RABEP2: variants seen among roughly 807,000 people sequenced by gnomAD.
RABEP2 encodes the protein rab GTPase-binding effector protein 2.
A neutral mutation model predicts 74.1 loss-of-function variants in RABEP2; 57 were observed. The observed-to-expected ratio is 0.77, with a 90% CI of 0.62 to 0.96. The LOEUF (loss-of-function observed/expected upper bound fraction) is 0.96. RABEP2 is among the 40% of genes least tolerant of loss of function. The probability of loss-of-function intolerance (pLI) is 0.00; values close to 1 mark genes in which losing one functional copy is unlikely to be tolerated. For missense variants in RABEP2, 692 were observed against 756.3 expected (o/e 0.91, Z 1.00); for synonymous variants, 351 against 344.0 (o/e 1.02, Z -0.23).
At position 28,919,918 on chromosome 16, in the gene RABEP2, C is replaced by G. The variant is rs1964446788; in HGVS notation, c.300G>C (p.Gln100His). 6.8e-7 allele frequency: 1 copy of G among 1,464,484 alleles called. No homozygotes were observed. The highest frequency in any genetic ancestry group is 1.4e-5 in the African/African-American group (1 of 69,782). 90.7% of individuals were successfully genotyped at this position (1,464,484 alleles called of 1,614,324 possible). A position where few individuals can be genotyped will look rare whatever the true frequency, so the allele number is the denominator to read the frequency against. Residue 100 changes from glutamine (Q) to histidine (H), a missense_variant, in exon 3 of 13, where the codon CAG (glutamine) becomes CAC (histidine). Transcript: ENST00000358201. ...GTCGCTCCTGCTTCAGGGCGGTGAT[C>G]TGGGCTTCATAGCTGCTGATGGAGT... ...LKDSISSYEA[Q>H]ITALKQERQQ...
In RABEP2 at chr16:28,924,957, G is replaced by A. The variant is rs528095608; in HGVS notation, c.61+146C>T. On this transcript the variant is annotated intron_variant, in intron 1 of 12. Coordinates refer to ENST00000358201, the MANE Select transcript of RABEP2 (RefSeq NM_024816.3). ...GGCCGGGCCACGCCCCCTTTTGCCT[G>A]TGGCTGTAGGCCCCGCCCCCTTTCC... 6.3e-3 allele frequency: 6,420 copies of A among 1,017,790 alleles called. 37 individuals carry two copies. Among genetic ancestry groups the A allele is most frequent in the Non-Finnish European group, 7.5e-3 (5,063 of 675,454 alleles). 63.0% of individuals were successfully genotyped at this position (1,017,790 alleles called of 1,614,324 possible).
Position 28,904,459 on chromosome 16 carries a change from A to G in RABEP2, c.*484T>C. ...TTATTTATTGAAAATAAACGACGGA[A>G]AAGTCTGGCCTTGCCTCTGTGCAAG... On this transcript the variant is annotated 3_prime_UTR_variant, in exon 13 of 13. Coordinates refer to ENST00000358201, the MANE Select transcript of RABEP2 (RefSeq NM_024816.3). 6.6e-7 allele frequency: 1 copy of G among 1,518,998 alleles called. No homozygotes were observed. Among genetic ancestry groups the G allele is most frequent in the Middle Eastern group, 1.7e-4 (1 of 5,854 alleles). The allele number at this position is 1,518,998 out of a possible 1,614,324, so 94.1% of individuals were successfully genotyped here. A position where few individuals can be genotyped will look rare whatever the true frequency, so the allele number is the denominator to read the frequency against.
Position 28,905,154 on chromosome 16 carries a change from C to T in RABEP2, c.1609-110G>A. On this transcript the variant is annotated intron_variant, in intron 12 of 12. Transcript: ENST00000358201. ...TGGTACCAGTGGACCCAGGGGCCAC[C>T]TCTAGGGGGCTGATGCCACAAATGC... is the stretch of plus-strand genomic sequence containing the variant. The T allele has an allele frequency of 4.6e-6, 4 of 866,638 alleles. 1 individual carries two copies. The South Asian group carries it at 6.7e-5, about 15-fold the overall frequency. 53.7% of individuals were successfully genotyped at this position (866,638 alleles called of 1,614,324 possible).
At chr16:28,913,972 G>A (rs569740112) in intron 5 of RABEP2, among the ~76,000 whole-genome samples, 3 of 150,640 alleles carry the variant, frequency 2.0e-5, no homozygotes, top group Non-Finnish European at 4.4e-5. Flanking sequence ...AAAGAGACAG[G>A]GTCTTACTAT....
At chr16:28,905,323 C>G (rs933435631) in intron 12 of RABEP2, 74 bp downstream of exon 12, 28 of 1,090,884 alleles carry the variant, frequency 2.6e-5, no homozygotes, top group African/African-American at 2.4e-4. Flanking sequence ...AACCAGGGAA[C>G]TGTCCTTGCA....
Position 28,914,280 on chromosome 16 carries a change from A to T in RABEP2, c.850T>A (p.Tyr284Asn). The T allele has an allele frequency of 6.2e-7, 1 of 1,611,860 alleles. No homozygotes were observed. Among genetic ancestry groups the T allele is most frequent in the South Asian group, 1.1e-5 (1 of 90,912 alleles). Residue 284 changes from tyrosine to asparagine, a missense_variant, in exon 5 of 13, where the codon TAC becomes AAC. Physicochemically the swap from Tyr to Asn is moderately radical, Grantham distance 143 (BLOSUM62 -2). Coordinates refer to ENST00000358201, the MANE Select transcript of RABEP2 (RefSeq NM_024816.3). ...PEGIYLPPPG[Y>N]QLVPDTQWEQ... is the part of the protein sequence containing the mutation. ...CACTGAGTGTCTGGGACGAGCTGGT[A>T]GCCAGGAGGGGGCAGGTAGATGCCC...
chr16:28,910,714 A>G (rs979842956), intron 7 of RABEP2, 174 bp downstream of exon 7: 2 of 594,336 alleles, frequency 3.4e-6, no homozygotes, highest in Non-Finnish European at 5.9e-6. Context: ...TGTTCTGGCC[A>G]CGGCACCAGC....
At chr16:28,911,847 G>A (rs1435936017) in intron 5 of RABEP2, among the ~76,000 whole-genome samples, 1 of 151,986 alleles carries the variant, frequency 6.6e-6, no homozygotes, top group Admixed American at 6.6e-5. Flanking sequence ...TACTGGGGAG[G>A]CTGAGGCAGG....
rs1964443954 is a variant in RABEP2, at chr16:28,919,773, T to C, written c.432+13A>G. ...AAATCCCAGGGCAGCAGGGAAGCCATCCCAATCCCAACCTTTTCCATCTGC... is the reference window on the plus strand; with the variant it reads ...AAATCCCAGGGCAGCAGGGAAGCCACCCCAATCCCAACCTTTTCCATCTGC... On this transcript the variant is annotated intron_variant, in intron 3 of 12. Coordinates refer to ENST00000358201, the MANE Select transcript of RABEP2 (RefSeq NM_024816.3). 2 of 1,596,128 alleles carry C rather than the reference T, an allele frequency of 1.3e-6. No homozygotes were observed. The highest frequency in any genetic ancestry group is 1.3e-5 in the African/African-American group (1 of 74,640).
intron 7 of RABEP2, chr16:28,910,547 T>G: frequency 5.1e-6 from 1 of 197,096 alleles, no homozygotes; most frequent in Non-Finnish European, 1.0e-5. Flanking sequence ...AGTGCTAGGA[T>G]TACAGGTATG....
chr16:28,918,391 T>A (rs1964424768), intron 3 of RABEP2, among the ~76,000 whole-genome samples: 1 of 152,078 alleles, frequency 6.6e-6, no homozygotes, highest in Admixed American at 6.6e-5. Flanking sequence ...GGCGGGCCGA[T>A]CACTAGAGGT....
rs767378170 is a variant in RABEP2 at position 28,914,695 on chromosome 16, C to T, written c.520G>A (p.Glu174Lys). 7.4e-6 allele frequency: 12 copies of T among 1,614,066 alleles called. No individual in the cohort carries two copies. In the Admixed American group the frequency reaches 1.0e-4, roughly 13 times the overall value. Residue 174 changes from glutamate to lysine, a missense_variant, in exon 4 of 13, where the codon GAG becomes AAG. Physicochemically the swap from Glu to Lys is moderately conservative, Grantham distance 56 (BLOSUM62 1). Transcript: ENST00000358201. ...EELKAKLLRA[E>K]ELIQEIQRRP... is the part of the protein sequence containing the mutation. ...ACCTGGATCTCCTGAATCAGCTCCT[C>T]GGCCCTCAGCAGCTTCGCCTTCAGC...
intron 5 of RABEP2, among the ~76,000 whole-genome samples, chr16:28,911,882 G>A (rs994522142): frequency 6.6e-6 from 1 of 152,070 alleles, no homozygotes; most frequent in South Asian, 2.1e-4. Context: ...CTGAAAGACA[G>A]AGGTTGCAGT....
rs752182214 is a variant in RABEP2 at position 28,905,895 on chromosome 16, AAG to A, written c.1424-19_1424-18del. 11 of 1,613,398 alleles carry A rather than the reference AAG, an allele frequency of 6.8e-6. No homozygotes were observed. Among genetic ancestry groups the A allele is most frequent in the Non-Finnish European group, 9.3e-6 (11 of 1,180,012 alleles). On this transcript the variant is annotated intron_variant, in intron 9 of 12. Transcript: ENST00000358201. ...CCAGCACCTCTGTGGGAAGGAAAGA[AAG>A]AGAGGTCAAGGCCAGCCTCTCTCCC...
In RABEP2 at chr16:28,905,796, G is replaced by A. The variant is rs188909365; in HGVS notation, c.1436-37C>T. ...GGGCAGGGGGAGACGTCAGGGCCAT[G>A]CCCTCTCCCTTTCCCCACCTAGCCC... On this transcript the variant is annotated intron_variant, in intron 10 of 12. Coordinates refer to ENST00000358201, the MANE Select transcript of RABEP2 (RefSeq NM_024816.3). The A allele has an allele frequency of 2.8e-4, 455 of 1,613,950 alleles. 6 individuals carry two copies. In the East Asian group the frequency reaches 0.01, roughly 36 times the overall value.
chr16:28,912,013 G>A (rs1028916370), intron 5 of RABEP2, among the ~76,000 whole-genome samples: 7 of 151,920 alleles, frequency 4.6e-5, no homozygotes, highest in African/African-American at 7.2e-5. Flanking sequence ...TTGGGAGGCC[G>A]AGGTGGGCGG....
intron 7 of RABEP2, among the ~76,000 whole-genome samples, chr16:28,909,169 C>T (rs1374843454): frequency 4.6e-5 from 7 of 152,066 alleles, no homozygotes; most frequent in African/African-American, 1.7e-4. Flanking sequence ...CTCCGCCTCC[C>T]GGGTTCAAGC....
chr16:28,908,020 A>G (rs7206214), intron 8 of RABEP2, among the ~76,000 whole-genome samples: 112,803 of 151,984 alleles, frequency 0.74, 43,372 homozygotes, highest in African/African-American at 0.93. Context: ...GGCTGGTCTC[A>G]AACTCCTGAC....
intron 5 of RABEP2, among the ~76,000 whole-genome samples, chr16:28,913,854 C>A (rs1471307892): frequency 6.9e-6 from 1 of 145,148 alleles, no homozygotes; most frequent in African/African-American, 2.6e-5. Context: ...GATCTCGGTT[C>A]ACTGCAACCT....
Sources: gnomAD v4.1 joint callset for allele counts (sites outside exome capture counted in the v4.1 genomes callset) on GRCh38, gnomAD v4.1.1 for gene constraint, MANE v1.5 for transcripts, NCBI Gene and HGNC (gene_info 2026-07-23, HGNC 2026-07-21) for gene names.